LY86: variants seen among roughly 807,000 people sequenced by gnomAD.
LY86 encodes the protein lymphocyte antigen 86, also known as MD-1, RP105-associated.
Under a neutral mutation model 17.3 loss-of-function variants are expected in LY86, and 20 were observed. That is an observed-to-expected ratio of 1.15 (90% confidence interval 0.81 to 1.68). The LOEUF (loss-of-function observed/expected upper bound fraction) is 1.68. LY86 is among the 40% of genes most tolerant of loss of function. The pLI is 0.00. For synonymous variants in LY86, 74 were observed against 70.6 expected, an observed-to-expected ratio of 1.05 and a Z score of -0.24; for missense variants, 200 against 191.9, an observed-to-expected ratio of 1.04 and a Z score of -0.25.
intron 1 of LY86, among the ~76,000 whole-genome samples, chr6:6,614,650 C>G (rs1321424263): frequency 1.3e-5 from 2 of 152,158 alleles, no homozygotes; most frequent in African/African-American, 4.8e-5. Flanking sequence ...CTCATCTCTT[C>G]AGCTTTGTTC....
At chr6:6,599,990 T>C (rs1198972462) in intron 1 of LY86, among the ~76,000 whole-genome samples, 1 of 152,000 alleles carries the variant, frequency 6.6e-6, no homozygotes. Context: ...GCACAAAGGA[T>C]CCTCTCACTA....
intron 1 of LY86, among the ~76,000 whole-genome samples, chr6:6,611,733 TAA>T (rs1761341305): frequency 1.3e-5 from 2 of 152,268 alleles, no homozygotes; most frequent in South Asian, 4.1e-4. Flanking sequence ...GGGCTATGCT[TAA>T]GACTAAATCA....
intron 1 of LY86, among the ~76,000 whole-genome samples, chr6:6,612,862 G>A (rs1028369002): frequency 1.3e-5 from 2 of 151,946 alleles, no homozygotes; most frequent in African/African-American, 4.8e-5. Flanking sequence ...GCTGATTGGT[G>A]TATTTACATT....
chr6:6,627,019 T>C (rs921793663), intron 3 of LY86, among the ~76,000 whole-genome samples: 157 of 152,258 alleles, frequency 1.0e-3, no homozygotes, highest in African/African-American at 3.6e-3. Context: ...TTCCCCCACC[T>C]GTCCCCACCT....
intron 3 of LY86, among the ~76,000 whole-genome samples, chr6:6,632,386 T>A (rs115498995): frequency 2.0e-5 from 3 of 152,186 alleles, no homozygotes; most frequent in Non-Finnish European, 4.4e-5. Flanking sequence ...TAATTCATTA[T>A]TGGGTAAGAG....
chr6:6,598,288 A>C (rs1279029479), intron 1 of LY86, among the ~76,000 whole-genome samples: 1 of 152,204 alleles, frequency 6.6e-6, no homozygotes, highest in Admixed American at 6.5e-5. Flanking sequence ...AAAATTATTC[A>C]ACTCATTTTT....
At chr6:6,630,982 T>C (rs1436814461) in intron 3 of LY86, among the ~76,000 whole-genome samples, 1 of 152,154 alleles carries the variant, frequency 6.6e-6, no homozygotes, top group Non-Finnish European at 1.5e-5. Flanking sequence ...TATATTATTT[T>C]AATCATTTAT....
At chr6:6,642,638 G>A (rs183767481) in intron 3 of LY86, among the ~76,000 whole-genome samples, 1 of 152,240 alleles carries the variant, frequency 6.6e-6, no homozygotes, top group East Asian at 1.9e-4. Flanking sequence ...CCTTAAATGA[G>A]AGCCCTAACT....
chr6:6,607,565 A>G (rs185149312), intron 1 of LY86, among the ~76,000 whole-genome samples: 8 of 152,180 alleles, frequency 5.3e-5, no homozygotes, highest in Admixed American at 4.6e-4. Context: ...GGAAAGGCAT[A>G]AAGAAAGAAA....
intron 1 of LY86, among the ~76,000 whole-genome samples, chr6:6,619,295 TGA>T (rs755997757): frequency 6.6e-6 from 1 of 152,240 alleles, no homozygotes; most frequent in Non-Finnish European, 1.5e-5. Flanking sequence ...GAAAGAATTC[TGA>T]AAGATGCAGA....
intron 1 of LY86, among the ~76,000 whole-genome samples, chr6:6,616,823 C>T (rs989528714): frequency 6.6e-6 from 1 of 152,216 alleles, no homozygotes; most frequent in Non-Finnish European, 1.5e-5. Flanking sequence ...TGTGCAGTCA[C>T]GTAAACCACC....
chr6:6,622,763 A>G (rs1761708834), intron 1 of LY86: 1 of 152,248 alleles, frequency 6.6e-6, no homozygotes, highest in Non-Finnish European at 1.5e-5. Context: ...ATGTGAGCTC[A>G]TAGCTAAGCT....
At chr6:6,634,057 G>A (rs555637854) in intron 3 of LY86, among the ~76,000 whole-genome samples, 62 of 152,246 alleles carry the variant, frequency 4.1e-4, no homozygotes, top group African/African-American at 1.4e-3. Context: ...GTCAGGATCC[G>A]AGAGAGGTGC....
chr6:6,649,506 TAG>T, intron 3 of LY86, 117 bp from the exon 4 acceptor site: 1 of 516,482 alleles, frequency 1.9e-6, no homozygotes, highest in Non-Finnish European at 3.4e-6. Flanking sequence ...TTTCTAGCAA[TAG>T]CTGCTCTTAT....
At chr6:6,611,845 G>C (rs1249766288) in intron 1 of LY86, among the ~76,000 whole-genome samples, 3 of 152,114 alleles carry the variant, frequency 2.0e-5, no homozygotes, top group African/African-American at 7.2e-5. Flanking sequence ...TGTCTCTCCT[G>C]TCAATCTAGC....
chr6:6,612,617 T>G (rs1761412902), intron 1 of LY86, among the ~76,000 whole-genome samples: 2 of 152,246 alleles, frequency 1.3e-5, no homozygotes, highest in African/African-American at 4.8e-5. Context: ...TCCCACATCC[T>G]GCTGATTGGT....
At position 6,615,988 on chromosome 6, in the gene LY86, G is replaced by A. The variant is rs188190143; in HGVS notation, c.137-8938G>A. ...ATTTTCTGCAACTGTAATGAGAATA[G>A]TCAATATTGTAATATCTTCTTTCTA... On this transcript the variant is annotated intron_variant, in intron 1 of 4. Coordinates refer to ENST00000230568, the MANE Select transcript of LY86 (RefSeq NM_004271.4). 9.2e-5 allele frequency among the ~76,000 whole-genome samples: 14 copies of A among 152,322 alleles called. No individual in the cohort carries two copies. The East Asian group carries it at 2.7e-3, about 29-fold the overall frequency.
At chr6:6,624,019 G>C (rs1364105839) in intron 1 of LY86, among the ~76,000 whole-genome samples, 1 of 152,202 alleles carries the variant, frequency 6.6e-6, no homozygotes, top group Non-Finnish European at 1.5e-5. Flanking sequence ...GGGCAGGGAA[G>C]CCTTCACAAA....
chr6:6,645,825 A>G (rs948307328), intron 3 of LY86, among the ~76,000 whole-genome samples: 3 of 151,624 alleles, frequency 2.0e-5, no homozygotes, highest in African/African-American at 7.3e-5. Flanking sequence ...CAACAAAAGC[A>G]AAGGGAATTT....
Sources: allele counts gnomAD v4.1 joint callset (sites outside exome capture counted in the v4.1 genomes callset), GRCh38; gene constraint gnomAD v4.1.1; transcripts MANE v1.5; gene names NCBI Gene and HGNC (gene_info 2026-07-23, HGNC 2026-07-21).